KAZN: variants seen among roughly 807,000 people sequenced by gnomAD.
KAZN encodes kazrin.
KAZN carries 40 observed loss-of-function variants against 87.4 expected under a neutral mutation model. The observed-to-expected ratio is 0.46, with a 90% CI of 0.36 to 0.60. KAZN has a LOEUF of 0.60. Among genes scored for constraint, KAZN ranks in the 20% least tolerant of loss-of-function variants. The pLI is 0.00. For synonymous variants in KAZN, 466 were observed against 458.3 expected, an observed-to-expected ratio of 1.02 and a Z score of -0.22; for missense variants, 898 against 1,073.9, an observed-to-expected ratio of 0.84 and a Z score of 2.29.
intron 1 of KAZN, among the ~76,000 whole-genome samples, chr1:14,058,836 T>A (rs551054666): frequency 6.6e-5 from 10 of 152,160 alleles, no homozygotes; most frequent in Non-Finnish European, 7.3e-5. Context: ...GGAACCAGCA[T>A]GCAATGAGAG....
At chr1:14,211,521 G>A (rs897384343) in intron 2 of KAZN, among the ~76,000 whole-genome samples, 1 of 152,178 alleles carries the variant, frequency 6.6e-6, no homozygotes, top group African/African-American at 2.4e-5. Flanking sequence ...ACCGTGCCGG[G>A]CCTATCTTTT....
chr1:14,616,445 C>A (rs1678247312), intron 1 of KAZN, among the ~76,000 whole-genome samples: 1 of 151,182 alleles, frequency 6.6e-6, no homozygotes, highest in South Asian at 2.1e-4. Flanking sequence ...GTCTGACTTT[C>A]TAGGGAGCAT....
intron 1 of KAZN, among the ~76,000 whole-genome samples, chr1:14,606,884 CA>C (rs1677409236): frequency 6.6e-6 from 1 of 152,114 alleles, no homozygotes; most frequent in African/African-American, 2.4e-5. Context: ...CAGAAGTTGC[CA>C]AATGTCCCCT....
intron 1 of KAZN, among the ~76,000 whole-genome samples, chr1:14,947,315 T>C (rs894505924): frequency 1.3e-5 from 2 of 152,158 alleles, no homozygotes; most frequent in East Asian, 3.9e-4. Context: ...GGATGGAAAG[T>C]CCTGCACAGT....
At chr1:13,905,104 C>T (rs1404278218) in intron 1 of KAZN, among the ~76,000 whole-genome samples, 2 of 151,940 alleles carry the variant, frequency 1.3e-5, no homozygotes, top group Non-Finnish European at 2.9e-5. Flanking sequence ...TTCAAATCTC[C>T]CAGGTATTAT....
At chr1:14,482,093 G>A (rs1195461182) in intron 2 of KAZN, among the ~76,000 whole-genome samples, 1 of 152,204 alleles carries the variant, frequency 6.6e-6, no homozygotes, top group Non-Finnish European at 1.5e-5. Context: ...TGAGGAGCAT[G>A]CAGCGGTGAG....
intron 1 of KAZN, among the ~76,000 whole-genome samples, chr1:14,608,326 A>G (rs189488127): frequency 9.8e-5 from 15 of 152,360 alleles, no homozygotes; most frequent in Admixed American, 3.3e-4. Context: ...GGACTGAGTT[A>G]TCTTGGACTC....
At chr1:14,399,979 TTAAAA>T (rs992144142) in intron 2 of KAZN, among the ~76,000 whole-genome samples, 6 of 152,024 alleles carry the variant, frequency 3.9e-5, no homozygotes, top group African/African-American at 1.4e-4. Context: ...AATTGGTGAA[TTAAAA>T]TAAAAAAAGA....
Position 14,599,401 on chromosome 1 carries a change from T to C in KAZN, c.226+178T>C, listed in dbSNP as rs1676767090. On this transcript the variant is annotated intron_variant, in intron 1 of 14. Transcript: ENST00000376030. The surrounding 1 kb of genome is among the most constrained non-coding windows in gnomAD (Gnocchi z 4.4). ...TCTCCGGCTGGGAGTTGCAGGCTGC[T>C]GTCATTCACGAAAACCCGAGCGCAG... 2.6e-5 allele frequency among the ~76,000 whole-genome samples: 4 copies of C among 151,922 alleles called. No individual in the cohort carries two copies. Among genetic ancestry groups the C allele is most frequent in the Admixed American group, 2.6e-4 (4 of 15,272 alleles).
At chr1:13,979,379 T>C (rs1196034281) in intron 1 of KAZN, among the ~76,000 whole-genome samples, 2 of 152,156 alleles carry the variant, frequency 1.3e-5, no homozygotes, top group Admixed American at 1.3e-4. Context: ...GACAATAGAA[T>C]GACATCTTTA....
chr1:14,180,706 A>G (rs1646179360), intron 2 of KAZN: 1 of 745,970 alleles, frequency 1.3e-6, no homozygotes, highest in Admixed American at 3.0e-5. Flanking sequence ...TGTTTTTCTG[A>G]TATAACAGAT....
intron 1 of KAZN, among the ~76,000 whole-genome samples, chr1:14,121,419 T>C (rs1375553690): frequency 6.6e-6 from 1 of 152,186 alleles, no homozygotes; most frequent in African/African-American, 2.4e-5. Flanking sequence ...GTGTTCATTT[T>C]ACAGAAGGAA....
intron 1 of KAZN, among the ~76,000 whole-genome samples, chr1:14,810,920 G>A (rs1314928596): frequency 6.6e-6 from 1 of 152,222 alleles, no homozygotes; most frequent in Non-Finnish European, 1.5e-5. Context: ...GAGCACCATG[G>A]CCAGCTTGTC....
chr1:14,436,501 T>C (rs1378422946), intron 2 of KAZN, among the ~76,000 whole-genome samples: 1 of 151,688 alleles, frequency 6.6e-6, no homozygotes, highest in Non-Finnish European at 1.5e-5. Flanking sequence ...GCAGATCACC[T>C]GAGGTCAGGA....
At chr1:14,623,658 T>C (rs967987894) in intron 1 of KAZN, among the ~76,000 whole-genome samples, 1 of 152,212 alleles carries the variant, frequency 6.6e-6, no homozygotes, top group Non-Finnish European at 1.5e-5. Context: ...ACATCTCTCT[T>C]CTTTTCTAAT....
At chr1:13,965,527 T>A (rs12120325) in intron 1 of KAZN, among the ~76,000 whole-genome samples, 35,037 of 152,082 alleles carry the variant, frequency 0.23, 4,333 homozygotes, top group East Asian at 0.38. Context: ...TTTGGACCTG[T>A]TATTTGGTAA....
intron 2 of KAZN, among the ~76,000 whole-genome samples, chr1:14,449,680 A>G (rs1262924738): frequency 3.9e-5 from 6 of 152,230 alleles, no homozygotes; most frequent in Non-Finnish European, 8.8e-5. Context: ...GATTGTTTCA[A>G]TAATTTCATG....
intron 1 of KAZN, among the ~76,000 whole-genome samples, chr1:13,909,425 A>T (rs1469688346): frequency 6.6e-6 from 1 of 152,052 alleles, no homozygotes; most frequent in Non-Finnish European, 1.5e-5. Context: ...TTAGGTAGTG[A>T]GGAGGAGAGC....
intron 13 of KAZN, among the ~76,000 whole-genome samples, chr1:15,105,829 CCCCACAGA>C (rs1557803199): frequency 6.6e-6 from 1 of 152,188 alleles, no homozygotes; most frequent in East Asian, 1.9e-4. Context: ...GTGAGGCCCA[CCCCACAGA>C]CCCTTGCAGC....
Sources: gnomAD v4.1 joint callset for allele counts (sites outside exome capture counted in the v4.1 genomes callset) on GRCh38, gnomAD v4.1.1 for gene constraint, Gnocchi (gnomAD v3.1) non-coding constraint, MANE v1.5 for transcripts, NCBI Gene and HGNC (gene_info 2026-07-23, HGNC 2026-07-21) for gene names.